Variants in PIK3CB observed in about 807,000 individuals in gnomAD.
The protein encoded by PIK3CB is phosphatidylinositol 4,5-bisphosphate 3-kinase catalytic subunit beta isoform.
A neutral mutation model predicts 136.8 loss-of-function variants in PIK3CB; 39 were observed. The ratio of observed to expected loss-of-function variants is 0.29; its 90% CI spans 0.22 to 0.37. PIK3CB has a LOEUF of 0.37. Among genes scored for constraint, PIK3CB ranks in the 10% least tolerant of loss-of-function variants. The pLI is 1.00. For synonymous variants in PIK3CB, 428 were observed against 436.6 expected, an observed-to-expected ratio of 0.98 and a Z score of 0.25; for missense variants, 868 against 1,275.4, an observed-to-expected ratio of 0.68 and a Z score of 4.87.
At chr3:138,772,633 ATTTT>A (rs142422129) in intron 2 of PIK3CB, among the ~76,000 whole-genome samples, 1 of 123,240 alleles carries the variant, frequency 8.1e-6, no homozygotes, top group Non-Finnish European at 1.7e-5. Context: ...CATTCTTTTG[ATTTT>A]TTTTTTTTTT....
At position 138,755,894 on chromosome 3, in the gene PIK3CB, G is replaced by T. The variant is rs1461410687; in HGVS notation, c.257C>A (p.Thr86Asn). Residue 86 changes from threonine to asparagine, a missense_variant, in exon 4 of 24, where the codon ACT (threonine) becomes AAT (asparagine). By Grantham distance (65) the Thr-to-Asn change is moderately conservative. Coordinates refer to ENST00000674063, the MANE Select transcript of PIK3CB (RefSeq NM_006219.3). ...DSYMFACVNQ[T>N]AVYEELEDET... ...ATCTTCAAGCTCCTCATATACAGCAGTCTGATTCACACATGCAAACATATA... is the reference window on the plus strand; with the variant it reads ...ATCTTCAAGCTCCTCATATACAGCATTCTGATTCACACATGCAAACATATA... The T allele has an allele frequency of 2.5e-6, 4 of 1,611,750 alleles. No homozygotes were observed. Among genetic ancestry groups the T allele is most frequent in the Non-Finnish European group, 3.4e-6 (4 of 1,178,052 alleles).
chr3:138,755,212 A>G (rs1470967907), intron 4 of PIK3CB, among the ~76,000 whole-genome samples: 1 of 152,250 alleles, frequency 6.6e-6, no homozygotes, highest in African/African-American at 2.4e-5. Context: ...TGTGTATAAA[A>G]TATGTTCATT....
At chr3:138,804,946 A>T (rs1242166539) in intron 1 of PIK3CB, among the ~76,000 whole-genome samples, 1 of 151,846 alleles carries the variant, frequency 6.6e-6, no homozygotes, top group Non-Finnish European at 1.5e-5. Context: ...AATGGCATGA[A>T]CCCGGGAGGC....
chr3:138,823,596 G>T (rs773789680), intron 1 of PIK3CB, among the ~76,000 whole-genome samples: 2 of 152,010 alleles, frequency 1.3e-5, no homozygotes, highest in African/African-American at 4.8e-5. Flanking sequence ...CCAGCTACTC[G>T]GGAGGCTGAG....
intron 1 of PIK3CB, among the ~76,000 whole-genome samples, chr3:138,813,099 T>C (rs1933149483): frequency 6.6e-6 from 1 of 152,090 alleles, no homozygotes; most frequent in Non-Finnish European, 1.5e-5. Flanking sequence ...TGCATGTGAA[T>C]CTACAATTAC....
At chr3:138,695,124 A>G (rs1398067637) in intron 13 of PIK3CB, among the ~76,000 whole-genome samples, 1 of 152,148 alleles carries the variant, frequency 6.6e-6, no homozygotes, top group African/African-American at 2.4e-5. Flanking sequence ...TGAAGTACTT[A>G]CCCCCAAATA....
intron 10 of PIK3CB, among the ~76,000 whole-genome samples, chr3:138,710,644 A>G (rs895550127): frequency 6.6e-6 from 1 of 152,164 alleles, no homozygotes; most frequent in Admixed American, 6.5e-5. Context: ...AGACTAACTT[A>G]TTTTCTCTGA....
At chr3:138,787,364 CAA>C (rs1204151568) in intron 2 of PIK3CB, among the ~76,000 whole-genome samples, 17 of 52,048 alleles carry the variant, frequency 3.3e-4, no homozygotes, top group Admixed American at 4.5e-4. Context: ...AGACTCCGCT[CAA>C]AAAAAAAAAA....
intron 4 of PIK3CB, 45 bp downstream of exon 4, chr3:138,755,709 T>C (rs562020350): frequency 1.2e-6 from 1 of 865,724 alleles, no homozygotes; most frequent in Non-Finnish European, 1.8e-6. Flanking sequence ...TTTATATAAA[T>C]AGATATATTA....
chr3:138,760,023 G>A (rs1407968308), intron 2 of PIK3CB, among the ~76,000 whole-genome samples: 4 of 151,632 alleles, frequency 2.6e-5, no homozygotes, highest in Non-Finnish European at 4.4e-5. Context: ...CCAGTTTTAC[G>A]CCATTCTCCT....
Position 138,714,470 on chromosome 3 carries a change from C to T in PIK3CB, c.1300G>A (p.Val434Met), listed in dbSNP as rs149400258. The change falls in exon 9 of 24, where the codon GTG (valine) becomes ATG (methionine). Residue 434 changes from valine (V) to methionine (M), a missense_variant and splice_region_variant. Physicochemically the swap from Val to Met is conservative, Grantham distance 21 (BLOSUM62 1). Transcript: ENST00000674063. ...KYQTIRKAGKVHYPVAWVNTM... is the reference protein window; with the variant it reads ...KYQTIRKAGKMHYPVAWVNTM... The stretch of plus-strand genomic sequence containing the variant: ...CTCAGAAGTTGGTATATCATTACCA[C>T]TTTTCCAGCTTTCCTGATGGTCTGA... 5.0e-6 allele frequency: 8 copies of T among 1,602,576 alleles called. No homozygotes were observed. The African/African-American group carries it at 6.7e-5, about 13-fold the overall frequency.
At chr3:138,832,627 G>A (rs1445391336) in intron 1 of PIK3CB, among the ~76,000 whole-genome samples, 1 of 151,892 alleles carries the variant, frequency 6.6e-6, no homozygotes, top group Non-Finnish European at 1.5e-5. Flanking sequence ...GGGAGTCCGA[G>A]ACCACCCTGA....
intron 1 of PIK3CB, among the ~76,000 whole-genome samples, chr3:138,800,336 CTT>C (rs35684147): frequency 2.1e-5 from 3 of 143,422 alleles, no homozygotes; most frequent in Admixed American, 7.0e-5. Flanking sequence ...ACCCATGACA[CTT>C]TTTTTTTTTT....
intron 9 of PIK3CB, among the ~76,000 whole-genome samples, chr3:138,713,133 A>C (rs1281126771): frequency 1.3e-5 from 2 of 151,902 alleles, no homozygotes; most frequent in Admixed American, 6.6e-5. Flanking sequence ...CTAAGGAACT[A>C]ATGCTTCTGT....
chr3:138,774,391 G>A (rs543368497), intron 2 of PIK3CB, among the ~76,000 whole-genome samples: 103 of 152,270 alleles, frequency 6.8e-4, no homozygotes, highest in Admixed American at 4.0e-3. Flanking sequence ...TGGCTCACTG[G>A]ATACACTTTT....
chr3:138,774,232 A>G (rs1457301326), intron 2 of PIK3CB, among the ~76,000 whole-genome samples: 3 of 152,210 alleles, frequency 2.0e-5, no homozygotes, highest in African/African-American at 7.2e-5. Flanking sequence ...CCAGCATCTC[A>G]GGAGACTCCT....
At chr3:138,698,876 A>C (rs755119825) in intron 13 of PIK3CB, 31 bp downstream of exon 13, 4 of 1,464,104 alleles carry the variant, frequency 2.7e-6, no homozygotes, top group South Asian at 1.3e-5. Context: ...CCATACACCC[A>C]AAAAAAGTTA....
chr3:138,783,451 A>AT lies in PIK3CB; in HGVS notation c.-17+13011dup, dbSNP rs2045942635. Among the ~76,000 whole-genome samples, 6 of 151,886 alleles carry AT rather than the reference A, an allele frequency of 4.0e-5. No individual in the cohort carries two copies. In the South Asian group the frequency reaches 1.2e-3, roughly 32 times the overall value. ...TGCATGGCACCCAGCTAATTTTTTC[A>AT]TTTTTTGTAGAGACAAGATCTCACT... On this transcript the variant is annotated intron_variant, in intron 2 of 23. Coordinates refer to ENST00000674063, the MANE Select transcript of PIK3CB (RefSeq NM_006219.3).
intron 1 of PIK3CB, among the ~76,000 whole-genome samples, chr3:138,827,442 G>A (rs953198857): frequency 6.6e-6 from 1 of 151,782 alleles, no homozygotes; most frequent in African/African-American, 2.4e-5. Flanking sequence ...ATGGCTTGAG[G>A]CCAAGAGCAT....
Sources: gnomAD v4.1 joint callset for allele counts (sites outside exome capture counted in the v4.1 genomes callset) on GRCh38, gnomAD v4.1.1 for gene constraint, MANE v1.5 for transcripts, NCBI Gene and HGNC (gene_info 2026-07-23, HGNC 2026-07-21) for gene names.